Variants in TUB observed in about 807,000 individuals in gnomAD.
TUB encodes the protein TUB bipartite transcription factor.
Under a neutral mutation model 59.7 loss-of-function variants are expected in TUB, and 33 were observed. The observed-to-expected ratio is 0.55, with a 90% confidence interval of 0.42 to 0.74. TUB has a LOEUF of 0.74. TUB is among the 30% of genes least tolerant of loss of function. The pLI, the probability that TUB is intolerant of heterozygous loss-of-function variation, is 0.00. For missense variants in TUB, 659 were observed against 672.0 expected (o/e 0.98, Z 0.21); for synonymous variants, 293 against 256.4 (o/e 1.14, Z -1.36).
At position 8,101,650 on chromosome 11, in the gene TUB, G is replaced by T; in HGVS notation, c.*31G>T. 1.9e-6 allele frequency: 3 copies of T among 1,611,708 alleles called. No homozygotes were observed. The highest frequency in any genetic ancestry group is 2.5e-6 in the Non-Finnish European group (3 of 1,178,950). On this transcript the variant is annotated 3_prime_UTR_variant, in exon 12 of 12. Transcript: ENST00000299506. ...TCTTCGTGCCCTTTGGGGTTGCCCA[G>T]CCTGGAGCGGAGCTTGCCTGCCTGC... is the stretch of plus-strand genomic sequence containing the variant.
At chr11:8,100,632 C>T (rs754727088) in intron 10 of TUB, 31 bp downstream of exon 10, 17 of 1,599,124 alleles carry the variant, frequency 1.1e-5, no homozygotes, top group Admixed American at 5.0e-5. Flanking sequence ...CCCCTCTTTC[C>T]CCATCATCCT....
intron 3 of TUB, among the ~76,000 whole-genome samples, chr11:8,090,443 C>T (rs67510011): frequency 0.42 from 63,740 of 152,170 alleles, 16,589 homozygotes; most frequent in Middle Eastern, 0.62. Context: ...CCTCCTGAAT[C>T]AGGCACTGAG....
chr11:8,044,687 T>C (rs751813100), intron 2 of TUB, among the ~76,000 whole-genome samples: 4 of 152,228 alleles, frequency 2.6e-5, no homozygotes, highest in African/African-American at 4.8e-5. Context: ...GTTTAAGGGC[T>C]CAGTCCCGCA....
In TUB at chr11:8,100,613, C is replaced by G. The variant is rs1434042749; in HGVS notation, c.1215+12C>G. The G allele has an allele frequency of 1.9e-6, 3 of 1,608,818 alleles. No homozygotes were observed. Among genetic ancestry groups the G allele is most frequent in the Non-Finnish European group, 1.7e-6 (2 of 1,175,490 alleles). On this transcript the variant is annotated intron_variant, in intron 10 of 11. Coordinates refer to ENST00000299506, the MANE Select transcript of TUB (RefSeq NM_177972.3). ...TCCGCCCCCGCAACGTGAGTGTCTACCCCTTCCTCCCCTCTTTCCCCATCA... is the reference window on the plus strand; with the variant it reads ...TCCGCCCCCGCAACGTGAGTGTCTAGCCCTTCCTCCCCTCTTTCCCCATCA...
chr11:8,068,479 G>T (rs908045916), intron 2 of TUB: 5 of 152,488 alleles, frequency 3.3e-5, no homozygotes, highest in Admixed American at 3.3e-4. Context: ...GCCTGGCCCT[G>T]TTCCAGACCA....
chr11:8,104,001 A>G lies in TUB; in HGVS notation c.*2382A>G, dbSNP rs1944413353. On this transcript the variant is annotated 3_prime_UTR_variant, in exon 12 of 12. Coordinates refer to ENST00000299506, the MANE Select transcript of TUB (RefSeq NM_177972.3). ...AGTGTGGAGAAGGATAGCCTCAGCC[A>G]CAAAACTCTGTCAGGCATTGAATGA... 1 of 152,246 alleles carries G rather than the reference A, an allele frequency of 6.6e-6. No homozygotes were observed. Among genetic ancestry groups the G allele is most frequent in the Non-Finnish European group, 1.5e-5 (1 of 68,066 alleles). The allele number at this position is 152,246 out of a possible 1,614,324, so 9.4% of individuals were successfully genotyped here.
intron 1 of TUB, 40 bp downstream of exon 1, chr11:8,081,588 T>G (rs746110551): frequency 6.7e-7 from 1 of 1,493,876 alleles, no homozygotes; most frequent in South Asian, 1.3e-5. Flanking sequence ...CACTCCCGAC[T>G]CGGGACGTGA....
chr11:8,030,371 G>T (rs1009843067), intron 1 of TUB, among the ~76,000 whole-genome samples: 3 of 152,190 alleles, frequency 2.0e-5, no homozygotes, highest in Admixed American at 6.5e-5. Flanking sequence ...TCCTGAGCCT[G>T]AGTCTCAGCT....
intron 2 of TUB, among the ~76,000 whole-genome samples, chr11:8,054,335 G>A (rs1423487879): frequency 6.6e-6 from 1 of 152,196 alleles, no homozygotes; most frequent in Non-Finnish European, 1.5e-5. Context: ...ATTCAGATGT[G>A]TACAGTCTCA....
intron 2 of TUB, among the ~76,000 whole-genome samples, chr11:8,053,267 C>T (rs1246421164): frequency 1.3e-5 from 2 of 152,098 alleles, no homozygotes; most frequent in African/African-American, 4.8e-5. Context: ...ATTTTTCATT[C>T]AACTTACTTC....
chr11:8,054,642 C>G (rs376077494), intron 2 of TUB, among the ~76,000 whole-genome samples: 16 of 152,234 alleles, frequency 1.1e-4, no homozygotes, highest in African/African-American at 3.9e-4. Flanking sequence ...TGTGTCCTGG[C>G]ATATGTATGT....
chr11:8,042,461 C>A (rs990798907), intron 2 of TUB, among the ~76,000 whole-genome samples: 4 of 152,098 alleles, frequency 2.6e-5, no homozygotes, highest in African/African-American at 4.8e-5. Flanking sequence ...TTTATAGGGA[C>A]ATATGTTTTC....
chr11:8,096,451 T>C (rs965411681), intron 5 of TUB, among the ~76,000 whole-genome samples: 9 of 152,172 alleles, frequency 5.9e-5, no homozygotes, highest in African/African-American at 2.2e-4. Flanking sequence ...CTGAGGATTG[T>C]GGCCAGCCCC....
chr11:8,038,406 G>A (rs1164339312), upstream of TUB, among the ~76,000 whole-genome samples: 6 of 152,176 alleles, frequency 3.9e-5, no homozygotes, highest in East Asian at 5.8e-4. Context: ...TAGAAGGCAC[G>A]ATGTGTGCCC....
chr11:8,081,612 A>G (rs1943566024), intron 1 of TUB, 64 bp downstream of exon 1: 1 of 1,441,088 alleles, frequency 6.9e-7, no homozygotes. Context: ...GGCTGGGGAT[A>G]CGCGGCCGGG....
intron 2 of TUB, among the ~76,000 whole-genome samples, chr11:8,040,378 G>A (rs1000839545): frequency 3.9e-5 from 6 of 152,178 alleles, no homozygotes; most frequent in African/African-American, 1.4e-4. Flanking sequence ...TGTCTGCTGG[G>A]CGTCCCCAAC....
At chr11:8,087,661 G>GACAC (rs1226321258) in intron 1 of TUB, among the ~76,000 whole-genome samples, 9 of 152,260 alleles carry the variant, frequency 5.9e-5, no homozygotes, top group African/African-American at 2.2e-4. Flanking sequence ...CACTGTGCGT[G>GACAC]TGGCTGACCA....
intron 2 of TUB, among the ~76,000 whole-genome samples, chr11:8,073,619 T>G (rs966966126): frequency 6.6e-6 from 1 of 152,236 alleles, no homozygotes; most frequent in African/African-American, 2.4e-5. Flanking sequence ...CTGATCACCT[T>G]AATTCCTTGT....
chr11:8,078,623 C>T (rs767998153), upstream of TUB, among the ~76,000 whole-genome samples: 1 of 152,086 alleles, frequency 6.6e-6, no homozygotes, highest in African/African-American at 2.4e-5. Flanking sequence ...CCATAGAACT[C>T]GAAGAAGCAC....
Sources: allele counts gnomAD v4.1 joint callset (sites outside exome capture counted in the v4.1 genomes callset), GRCh38; gene constraint gnomAD v4.1.1; transcripts MANE v1.5; gene names NCBI Gene and HGNC (gene_info 2026-07-23, HGNC 2026-07-21).